Variants in CHST9 observed in about 807,000 individuals in gnomAD.
CHST9 encodes the protein GalNAc-4-sulfotransferase 2.
Under a neutral mutation model 44.4 loss-of-function variants are expected in CHST9, and 41 were observed. The observed-to-expected ratio is 0.92, with a 90% confidence interval of 0.72 to 1.20. The LOEUF is 1.20. Among genes scored for constraint, CHST9 ranks in the 50% most tolerant of loss-of-function variants. The probability of loss-of-function intolerance (pLI) is 0.00; values close to 1 mark genes in which losing one functional copy is unlikely to be tolerated. For missense variants in CHST9, 504 were observed against 516.5 expected (o/e 0.98, Z 0.23); for synonymous variants, 171 against 178.4 (o/e 0.96, Z 0.33).
chr18:26,977,321 T>C (rs1342011149), intron 4 of CHST9, among the ~76,000 whole-genome samples: 4 of 151,356 alleles, frequency 2.6e-5, no homozygotes, highest in Non-Finnish European at 4.4e-5. Context: ...GCAGGGAGTA[T>C]ACATCTATCC....
At chr18:27,023,405 G>A (rs383561) in intron 4 of CHST9, among the ~76,000 whole-genome samples, 1 of 152,148 alleles carries the variant, frequency 6.6e-6, no homozygotes, top group Non-Finnish European at 1.5e-5. Flanking sequence ...GGAAGATCTA[G>A]CCTGAATTAT....
At chr18:27,109,251 T>G (rs1195911852) in intron 2 of CHST9, among the ~76,000 whole-genome samples, 4 of 152,066 alleles carry the variant, frequency 2.6e-5, no homozygotes. Flanking sequence ...AGCTGGCGCA[T>G]AAGTTAAGTT....
At chr18:27,164,450 A>G (rs1046914494) in intron 1 of CHST9, among the ~76,000 whole-genome samples, 3 of 152,022 alleles carry the variant, frequency 2.0e-5, no homozygotes, top group Non-Finnish European at 2.9e-5. Context: ...TTGAAGAGGA[A>G]AAAAAGCCAG....
intron 2 of CHST9, among the ~76,000 whole-genome samples, chr18:27,053,747 A>C (rs1346330593): frequency 1.3e-5 from 2 of 152,052 alleles, no homozygotes; most frequent in Non-Finnish European, 2.9e-5. Context: ...TAGCCATTAC[A>C]CCAGGAATTA....
At chr18:27,007,255 G>C (rs2057027710) in intron 4 of CHST9, among the ~76,000 whole-genome samples, 1 of 152,208 alleles carries the variant, frequency 6.6e-6, no homozygotes, top group Admixed American at 6.5e-5. Flanking sequence ...GGCTGAGAGA[G>C]AAAGACACAG....
chr18:26,984,388 T>C (rs918730618), intron 4 of CHST9, among the ~76,000 whole-genome samples: 12 of 152,296 alleles, frequency 7.9e-5, no homozygotes, highest in African/African-American at 2.4e-4. Context: ...GTAGAAGTAC[T>C]GGAGATTGGT....
At chr18:27,152,436 AAC>A (rs1469913539) in intron 1 of CHST9, among the ~76,000 whole-genome samples, 9 of 152,104 alleles carry the variant, frequency 5.9e-5, no homozygotes, top group Admixed American at 3.9e-4. Context: ...AGAGTGAAAA[AAC>A]ACAGAGGTTA....
chr18:26,924,518 G>T, intron 5 of CHST9: 1 of 565,970 alleles, frequency 1.8e-6, no homozygotes, highest in Non-Finnish European at 2.2e-6. Context: ...GCACTGCCCA[G>T]GGAGTAATTT....
chr18:27,008,982 G>A (rs2057051248), intron 4 of CHST9, among the ~76,000 whole-genome samples: 1 of 151,450 alleles, frequency 6.6e-6, no homozygotes, highest in African/African-American at 2.4e-5. Context: ...AATCACTTGC[G>A]AGTGCTCTCA....
At chr18:27,138,733 G>C (rs978850679) in intron 2 of CHST9, among the ~76,000 whole-genome samples, 4 of 152,106 alleles carry the variant, frequency 2.6e-5, no homozygotes, top group African/African-American at 9.7e-5. Context: ...GCAACCCTCT[G>C]TGAAAAATAT....
intron 3 of CHST9, among the ~76,000 whole-genome samples, chr18:27,028,862 C>T (rs1384044915): frequency 2.6e-5 from 4 of 152,116 alleles, no homozygotes; most frequent in African/African-American, 9.7e-5. Context: ...AAAGTAACTT[C>T]TATTGTATTT....
chr18:26,929,267 C>A (rs1488106094), intron 5 of CHST9, among the ~76,000 whole-genome samples: 1 of 152,202 alleles, frequency 6.6e-6, no homozygotes, highest in African/African-American at 2.4e-5. Flanking sequence ...GGCAGGAGGT[C>A]TCTTTGGACC....
chr18:26,921,258 C>T (rs767280802), intron 5 of CHST9, among the ~76,000 whole-genome samples: 1 of 152,134 alleles, frequency 6.6e-6, no homozygotes, highest in Admixed American at 6.6e-5. Flanking sequence ...ATCCATTTCT[C>T]GTTGCTGGAA....
chr18:27,053,944 C>T (rs1170757693), intron 2 of CHST9, among the ~76,000 whole-genome samples: 1 of 152,214 alleles, frequency 6.6e-6, no homozygotes, highest in East Asian at 1.9e-4. Context: ...CACCCTTCTT[C>T]TGTGCTTCTG....
intron 2 of CHST9, among the ~76,000 whole-genome samples, chr18:27,112,687 G>A (rs1390047514): frequency 6.6e-6 from 1 of 150,404 alleles, no homozygotes; most frequent in Admixed American, 6.6e-5. Flanking sequence ...TAAACTTCCT[G>A]ACACAAAACT....
chr18:26,975,664 T>TATATATATA lies in CHST9; in HGVS notation c.203-31299_203-31298insTATATATAT, dbSNP rs1348331935. Reference sequence around the variant, plus strand: ...ATGTATGTGTGTATATATATATATATATATAAATATATGTATATATGTGTG... The same window carrying TATATATATA: ...ATGTATGTGTGTATATATATATATATATATATATAATATAAATATATGTATATATGTGTG... On this transcript the variant is annotated intron_variant, in intron 4 of 5. Coordinates refer to ENST00000618847, the MANE Select transcript of CHST9 (RefSeq NM_031422.6). Among the ~76,000 whole-genome samples, 24 of 144,204 alleles carry TATATATATA rather than the reference T, an allele frequency of 1.7e-4. No homozygotes were observed. The East Asian group carries it at 3.1e-3, about 19-fold the overall frequency. 94.6% of individuals were successfully genotyped at this position (144,204 alleles called of 152,430 possible).
intron 2 of CHST9, among the ~76,000 whole-genome samples, chr18:27,103,095 C>T (rs1044894940): frequency 2.0e-5 from 3 of 152,154 alleles, no homozygotes; most frequent in African/African-American, 7.2e-5. Context: ...ACTTAAATGA[C>T]AAATAGAATT....
intron 1 of CHST9, among the ~76,000 whole-genome samples, chr18:27,151,063 A>G (rs767120142): frequency 5.3e-5 from 8 of 152,190 alleles, no homozygotes; most frequent in South Asian, 2.1e-4. Context: ...TGGTACTCAT[A>G]TAAGTCTTTG....
At chr18:26,944,241 A>G in intron 5 of CHST9, 88 bp downstream of exon 5, 1 of 1,000,978 alleles carries the variant, frequency 1.0e-6, no homozygotes, top group Non-Finnish European at 1.6e-6. Context: ...AACAGCTAAC[A>G]TTACCCCCTG....
Sources: allele counts gnomAD v4.1 joint callset (sites outside exome capture counted in the v4.1 genomes callset), GRCh38; gene constraint gnomAD v4.1.1; transcripts MANE v1.5; gene names NCBI Gene and HGNC (gene_info 2026-07-23, HGNC 2026-07-21).